Variants in LIMD1 observed in about 807,000 individuals in gnomAD.
LIMD1 encodes LIM domain-containing protein 1.
In LIMD1, 23 loss-of-function variants were observed where a neutral mutation model predicts 58.4. The observed-to-expected ratio is 0.39, with a 90% CI of 0.28 to 0.56. The LOEUF is 0.56. Ranked by LOEUF, LIMD1 falls within the 20% of genes least tolerant of loss-of-function variation. LIMD1 has a pLI of 0.57. For synonymous variants in LIMD1, 334 were observed against 345.5 expected, an observed-to-expected ratio of 0.97 and a Z score of 0.37; for missense variants, 838 against 855.5, an observed-to-expected ratio of 0.98 and a Z score of 0.25.
intron 1 of LIMD1, 57 bp downstream of exon 1, chr3:45,596,344 G>T: frequency 7.4e-7 from 1 of 1,348,910 alleles, no homozygotes; most frequent in South Asian, 1.4e-5. Flanking sequence ...CTTGAGATTG[G>T]GGAACATGCC....
chr3:45,597,907 AC>A (rs767632452), intron 1 of LIMD1, among the ~76,000 whole-genome samples: 12 of 152,140 alleles, frequency 7.9e-5, no homozygotes, highest in Non-Finnish European at 1.8e-4. Context: ...GCCAGTTCTC[AC>A]CCCATACTCA....
In LIMD1 at chr3:45,602,150, G is replaced by A. The variant is rs1340306081; in HGVS notation, c.1408+5863G>A. Among the ~76,000 whole-genome samples, 5 of 152,152 alleles carry A rather than the reference G, an allele frequency of 3.3e-5. 1 individual carries two copies. Among genetic ancestry groups the A allele is most frequent in the South Asian group, 4.2e-4 (2 of 4,806 alleles). ...TTTTTAGTAGAGATGGGGTTTCACT[G>A]TGTTAGCCAGGATGGTCTCGATCTC... On this transcript the variant is annotated intron_variant, in intron 1 of 7. Transcript: ENST00000273317.
chr3:45,640,544 C>T (rs889404864), intron 2 of LIMD1, among the ~76,000 whole-genome samples: 2 of 152,130 alleles, frequency 1.3e-5, no homozygotes, highest in African/African-American at 4.8e-5. Flanking sequence ...TCTCCTGCCT[C>T]TCAGCCTCCT....
intron 1 of LIMD1, among the ~76,000 whole-genome samples, chr3:45,621,470 G>T (rs772830186): frequency 6.6e-6 from 1 of 152,018 alleles, no homozygotes; most frequent in African/African-American, 2.4e-5. Flanking sequence ...GAACTCCTAG[G>T]CTCAAGAGAT....
chr3:45,673,697 T>G (rs980639983), intron 6 of LIMD1, 192 bp downstream of exon 6: 8 of 609,684 alleles, frequency 1.3e-5, no homozygotes, highest in Non-Finnish European at 2.4e-5. Context: ...GAAAATTGCT[T>G]GAGGCCTGGA....
intron 2 of LIMD1, among the ~76,000 whole-genome samples, chr3:45,659,590 A>C (rs1293847902): frequency 7.1e-6 from 1 of 139,902 alleles, no homozygotes; most frequent in African/African-American, 2.8e-5. Context: ...AAAAAACCCC[A>C]AACATATATA....
At position 45,658,532 on chromosome 3, in the gene LIMD1, ATTCTT is replaced by A. The variant is rs1697377353; in HGVS notation, c.1511-7115_1511-7111del. Among the ~76,000 whole-genome samples the A allele has an allele frequency of 4.2e-5, 3 of 72,186 alleles. No individual in the cohort carries two copies. The South Asian group carries it at 1.3e-3, about 32-fold the overall frequency. The allele number at this position is 72,186 out of a possible 152,430, so 47.4% of individuals were successfully genotyped here. On this transcript the variant is annotated intron_variant, in intron 2 of 7. Coordinates refer to ENST00000273317, the MANE Select transcript of LIMD1 (RefSeq NM_014240.3). ...ATAAACCATCCCCTCCACCATGCAG[ATTCTT>A]TTTTTTTTTTTTTTTTTTTTTTTTT... is the stretch of plus-strand genomic sequence containing the variant.
chr3:45,615,903 A>T (rs914556775), intron 1 of LIMD1, among the ~76,000 whole-genome samples: 9 of 151,884 alleles, frequency 5.9e-5, no homozygotes, highest in Non-Finnish European at 2.9e-5. Context: ...GAAGATGAAG[A>T]TGCCCTTCTT....
intron 1 of LIMD1, among the ~76,000 whole-genome samples, chr3:45,615,956 A>G (rs946526849): frequency 2.0e-5 from 3 of 152,032 alleles, no homozygotes; most frequent in Non-Finnish European, 4.4e-5. Flanking sequence ...ATATAATACT[A>G]TGTCAAAGTG....
At chr3:45,606,464 G>C (rs114165080) in intron 1 of LIMD1, among the ~76,000 whole-genome samples, 3,140 of 152,316 alleles carry the variant, frequency 0.021, 56 homozygotes, top group Non-Finnish European at 0.031. Flanking sequence ...CTGACTGGAG[G>C]AGTTGGGTCC....
At chr3:45,660,198 T>G (rs1202469713) in intron 2 of LIMD1, among the ~76,000 whole-genome samples, 2 of 152,290 alleles carry the variant, frequency 1.3e-5, no homozygotes, top group South Asian at 4.1e-4. Flanking sequence ...CGTTTCCTGG[T>G]GGCCTCCTAG....
intron 5 of LIMD1, among the ~76,000 whole-genome samples, 169 bp downstream of exon 5, chr3:45,672,989 G>A (rs1266415430): frequency 2.0e-5 from 3 of 151,814 alleles, no homozygotes; most frequent in African/African-American, 7.3e-5. Context: ...GAGGTTGGTC[G>A]ATGCCAGTGT....
intron 2 of LIMD1, among the ~76,000 whole-genome samples, chr3:45,652,541 G>A (rs193212851): frequency 1.3e-5 from 2 of 152,262 alleles, no homozygotes; most frequent in East Asian, 1.9e-4. Context: ...TCAATCTTCT[G>A]AGCATTGTTC....
chr3:45,665,625 C>A (rs755025563), intron 2 of LIMD1, 25 bp from the exon 3 acceptor site: 17 of 1,600,458 alleles, frequency 1.1e-5, no homozygotes, highest in African/African-American at 2.7e-5. Flanking sequence ...CTTTTTTTAC[C>A]CTGTGTTTGT....
rs747610506 is a variant in LIMD1 at position 45,662,263 on chromosome 3, G to A, written c.1511-3387G>A. 1.0e-3 allele frequency among the ~76,000 whole-genome samples: 146 copies of A among 140,396 alleles called. 3 individuals carry two copies. The highest frequency in any genetic ancestry group is 2.1e-3 in the Admixed American group (26 of 12,588). 92.1% of individuals were successfully genotyped at this position (140,396 alleles called of 152,430 possible). On this transcript the variant is annotated intron_variant, in intron 2 of 7. Coordinates refer to ENST00000273317, the MANE Select transcript of LIMD1 (RefSeq NM_014240.3). ...AGTTTGTTATTGCCTTTTCGTTTACGGTGTTTCACCTAAGTGTGTGTGTGT... is the reference window on the plus strand; with the variant it reads ...AGTTTGTTATTGCCTTTTCGTTTACAGTGTTTCACCTAAGTGTGTGTGTGT...
intron 1 of LIMD1, among the ~76,000 whole-genome samples, chr3:45,635,322 T>G (rs137995690): frequency 6.6e-6 from 1 of 151,982 alleles, no homozygotes; most frequent in Non-Finnish European, 1.5e-5. Flanking sequence ...TCAAACAGTC[T>G]GAGGAAGGAA....
chr3:45,600,968 G>T (rs186919951), intron 1 of LIMD1, among the ~76,000 whole-genome samples: 2 of 152,328 alleles, frequency 1.3e-5, no homozygotes, highest in African/African-American at 4.8e-5. Context: ...GGAGGCTGAG[G>T]TGGGAAGATT....
intron 1 of LIMD1, among the ~76,000 whole-genome samples, chr3:45,631,353 A>G (rs887229412): frequency 3.9e-5 from 6 of 151,918 alleles, no homozygotes; most frequent in South Asian, 4.1e-4. Flanking sequence ...CCCATAGTAG[A>G]CACATGATTT....
intron 2 of LIMD1, 32 bp downstream of exon 2, chr3:45,636,283 G>A (rs1405064295): frequency 6.7e-7 from 1 of 1,495,566 alleles, no homozygotes; most frequent in Non-Finnish European, 9.2e-7. Context: ...GGGTGTGTGG[G>A]GGATGCGTAA....
Sources: gnomAD v4.1 joint callset for allele counts (sites outside exome capture counted in the v4.1 genomes callset) on GRCh38, gnomAD v4.1.1 for gene constraint, MANE v1.5 for transcripts, NCBI Gene and HGNC (gene_info 2026-07-23, HGNC 2026-07-21) for gene names.